Variants in RARB observed in about 807,000 individuals in gnomAD.
RARB encodes the protein HBV-activated protein.
In RARB, 17 loss-of-function variants were observed where a neutral mutation model predicts 51.9. That is an observed-to-expected ratio of 0.33 (90% CI 0.22 to 0.49). The LOEUF (loss-of-function observed/expected upper bound fraction) is 0.49. RARB is among the 20% of genes least tolerant of loss of function. RARB has a pLI of 0.99. For missense variants in RARB, 369 were observed against 550.8 expected, an observed-to-expected ratio of 0.67 and a Z score of 3.30; for synonymous variants, 215 against 195.4, an observed-to-expected ratio of 1.10 and a Z score of -0.84.
intron 2 of RARB, among the ~76,000 whole-genome samples, chr3:25,037,114 C>T (rs903042223): frequency 1.3e-5 from 2 of 152,208 alleles, no homozygotes; most frequent in East Asian, 1.9e-4. Context: ...TTCGTTGAAG[C>T]GGAGACATGG....
chr3:25,408,975 A>G (rs1223729029), intron 5 of RARB, among the ~76,000 whole-genome samples: 1 of 152,188 alleles, frequency 6.6e-6, no homozygotes, highest in Non-Finnish European at 1.5e-5. Flanking sequence ...AGGAGGTTGC[A>G]GTGAGCCGAG....
At chr3:25,177,946 AG>A (rs1403655986) in intron 5 of RARB, among the ~76,000 whole-genome samples, 1 of 152,200 alleles carries the variant, frequency 6.6e-6, no homozygotes, top group Non-Finnish European at 1.5e-5. Context: ...TGTACTTTAA[AG>A]GGGTGAAATC....
Position 25,465,397 on chromosome 3 carries a change from A to G in RARB, c.306+4056A>G, listed in dbSNP as rs193013974. Among the ~76,000 whole-genome samples, 12 of 152,334 alleles carry G rather than the reference A, an allele frequency of 7.9e-5. No homozygotes were observed. In the East Asian group the frequency reaches 2.3e-3, roughly 29 times the overall value. ...CATTGGCTGGAAATCAAAGTTTACT[A>G]CTGTAAGCTGAGAACCTCTGCTCTA... On this transcript the variant is annotated intron_variant, in intron 2 of 7. Transcript: ENST00000330688.
chr3:25,024,157 G>C (rs1286790487), intron 2 of RARB, among the ~76,000 whole-genome samples: 1 of 152,100 alleles, frequency 6.6e-6, no homozygotes, highest in Non-Finnish European at 1.5e-5. Context: ...AGAAAATTAG[G>C]TTAATTAAAA....
chr3:25,183,275 CT>C (rs545638241), intron 5 of RARB, among the ~76,000 whole-genome samples: 6 of 152,002 alleles, frequency 3.9e-5, no homozygotes, highest in Non-Finnish European at 8.8e-5. Context: ...GAAGAAAGGA[CT>C]TTTTTTATTA....
chr3:25,317,196 C>T (rs1704450785), intron 5 of RARB, among the ~76,000 whole-genome samples: 1 of 152,016 alleles, frequency 6.6e-6, no homozygotes, highest in Non-Finnish European at 1.5e-5. Flanking sequence ...TGGTGCCCGC[C>T]TTGTGTCTGG....
At chr3:25,281,561 G>A (rs183983816) in intron 5 of RARB, among the ~76,000 whole-genome samples, 1 of 152,182 alleles carries the variant, frequency 6.6e-6, no homozygotes, top group Non-Finnish European at 1.5e-5. Flanking sequence ...AAAGGAAGGG[G>A]CAATAGGATC....
At chr3:25,354,254 A>G (rs948630436) in intron 5 of RARB, among the ~76,000 whole-genome samples, 3 of 152,092 alleles carry the variant, frequency 2.0e-5, no homozygotes, top group African/African-American at 7.2e-5. Flanking sequence ...GCATTCAATA[A>G]TCAGAAAAAT....
chr3:25,554,949 C>T (rs566649621), intron 3 of RARB, among the ~76,000 whole-genome samples: 2 of 152,256 alleles, frequency 1.3e-5, no homozygotes, highest in South Asian at 2.1e-4. Context: ...AATCCATTAA[C>T]CCATTAATTC....
intron 2 of RARB, among the ~76,000 whole-genome samples, chr3:25,473,937 T>G (rs1695834426): frequency 6.4e-5 from 1 of 15,600 alleles, no homozygotes; most frequent in Non-Finnish European, 1.2e-4. Flanking sequence ...AAAAAAACCT[T>G]TATCTTGGCT....
intron 3 of RARB, among the ~76,000 whole-genome samples, chr3:25,079,829 T>G (rs1449757856): frequency 6.6e-6 from 1 of 152,216 alleles, no homozygotes; most frequent in Non-Finnish European, 1.5e-5. Flanking sequence ...TTAGTCTAAA[T>G]TTTTCTTGTA....
intron 3 of RARB, among the ~76,000 whole-genome samples, chr3:25,501,736 T>C (rs1489156257): frequency 1.3e-5 from 2 of 152,204 alleles, no homozygotes; most frequent in African/African-American, 4.8e-5. Flanking sequence ...ATTTGCCCTT[T>C]TTTAGGAGGG....
At chr3:24,831,086 CT>C (rs1160990688) in intron 1 of RARB, among the ~76,000 whole-genome samples, 3 of 152,150 alleles carry the variant, frequency 2.0e-5, no homozygotes, top group Non-Finnish European at 4.4e-5. Flanking sequence ...CCAGAAGTAC[CT>C]TTTGACAGTC....
At chr3:25,531,676 T>A (rs183599800) in intron 3 of RARB, among the ~76,000 whole-genome samples, 61 of 151,944 alleles carry the variant, frequency 4.0e-4, no homozygotes, top group Middle Eastern at 3.4e-3. Context: ...CTGTATTTTT[T>A]ATTTTGATAA....
intron 1 of RARB, among the ~76,000 whole-genome samples, chr3:25,433,677 G>A (rs1180969037): frequency 6.6e-6 from 1 of 152,052 alleles, no homozygotes. Context: ...TAAGTGGCTT[G>A]GTCTAAGTAC....
chr3:25,191,308 T>C (rs759115597), intron 5 of RARB, among the ~76,000 whole-genome samples: 6 of 152,128 alleles, frequency 3.9e-5, no homozygotes, highest in Non-Finnish European at 7.4e-5. Flanking sequence ...TTAGAATCCA[T>C]CTTTACTTCC....
chr3:24,939,934 A>G (rs939293613), intron 2 of RARB, among the ~76,000 whole-genome samples: 3 of 152,228 alleles, frequency 2.0e-5, no homozygotes, highest in Non-Finnish European at 2.9e-5. Context: ...GTGTTTTACC[A>G]TACATCTCCT....
intron 2 of RARB, among the ~76,000 whole-genome samples, chr3:25,059,060 G>A (rs1234541707): frequency 1.3e-5 from 2 of 150,976 alleles, no homozygotes; most frequent in Non-Finnish European, 3.0e-5. Flanking sequence ...TTATACATGT[G>A]CATTAGTACA....
chr3:25,064,552 C>T (rs1021745345), intron 3 of RARB, among the ~76,000 whole-genome samples: 1 of 151,904 alleles, frequency 6.6e-6, no homozygotes, highest in Non-Finnish European at 1.5e-5. Flanking sequence ...GCTAATTATT[C>T]CAAAAGAGTG....
Sources: gnomAD v4.1 joint callset for allele counts (sites outside exome capture counted in the v4.1 genomes callset) on GRCh38, gnomAD v4.1.1 for gene constraint, MANE v1.5 for transcripts, NCBI Gene and HGNC (gene_info 2026-07-23, HGNC 2026-07-21) for gene names.